RABGAP1L: variants seen among roughly 807,000 people sequenced by gnomAD.
RABGAP1L encodes the protein RAB GTPase activating protein 1 like.
In RABGAP1L, 63 loss-of-function variants were observed where a neutral mutation model predicts 137.7. The observed-to-expected ratio is 0.46, with a 90% CI of 0.37 to 0.56. The LOEUF is 0.56. Ranked by LOEUF, RABGAP1L falls within the 20% of genes least tolerant of loss-of-function variation. RABGAP1L has a pLI of 0.00. For synonymous variants in RABGAP1L, 431 were observed against 433.7 expected (o/e 0.99, Z 0.08); for missense variants, 1,095 against 1,244.0 (o/e 0.88, Z 1.80).
intron 14 of RABGAP1L, among the ~76,000 whole-genome samples, chr1:174,664,075 A>G (rs1171663219): frequency 6.6e-6 from 1 of 152,192 alleles, no homozygotes; most frequent in East Asian, 1.9e-4. Flanking sequence ...TATATATTAA[A>G]TAAGGTATCT....
chr1:174,737,546 C>A (rs1362675919), intron 17 of RABGAP1L, among the ~76,000 whole-genome samples: 1 of 152,026 alleles, frequency 6.6e-6, no homozygotes, highest in Non-Finnish European at 1.5e-5. Flanking sequence ...TTTCTCTGAG[C>A]CCTCCAAACT....
intron 13 of RABGAP1L, among the ~76,000 whole-genome samples, chr1:174,549,289 T>C (rs2147974091): frequency 6.6e-6 from 1 of 152,244 alleles, no homozygotes; most frequent in Admixed American, 6.5e-5. Flanking sequence ...TTCTCCAGGG[T>C]AGAGTATTGT....
chr1:174,349,662 A>G (rs7513038), intron 11 of RABGAP1L, among the ~76,000 whole-genome samples: 15,816 of 71,318 alleles, frequency 0.22, 1,159 homozygotes, highest in African/African-American at 0.33. Flanking sequence ...CTCCCGGACG[A>G]GGCGGCTGGC....
chr1:174,511,020 A>C (rs1466720157), intron 13 of RABGAP1L, among the ~76,000 whole-genome samples: 1 of 152,192 alleles, frequency 6.6e-6, no homozygotes, highest in East Asian at 1.9e-4. Context: ...CAAAACTTTG[A>C]AGTTTTAACT....
At chr1:174,818,471 T>TA (rs1215017772) in intron 19 of RABGAP1L, among the ~76,000 whole-genome samples, 2 of 152,138 alleles carry the variant, frequency 1.3e-5, no homozygotes, top group African/African-American at 4.8e-5. Flanking sequence ...TTATGACAAA[T>TA]AAAAGCCAAT....
intron 19 of RABGAP1L, among the ~76,000 whole-genome samples, chr1:174,858,842 C>T (rs1405872411): frequency 6.6e-6 from 1 of 152,130 alleles, no homozygotes; most frequent in Admixed American, 6.5e-5. Context: ...CTCATCTGAG[C>T]AGGTTTAAAG....
At chr1:174,442,676 A>C (rs1315053894) in intron 13 of RABGAP1L, among the ~76,000 whole-genome samples, 1 of 152,184 alleles carries the variant, frequency 6.6e-6, no homozygotes, top group Non-Finnish European at 1.5e-5. Context: ...GTAATGATCA[A>C]ATCAGGGAAA....
intron 19 of RABGAP1L, chr1:174,892,502 CT>C (rs1253979025): frequency 6.1e-6 from 3 of 489,988 alleles, no homozygotes; most frequent in African/African-American, 6.0e-5. Flanking sequence ...TTGTAAGTTA[CT>C]GGTTTTCACA....
At chr1:174,454,975 C>T (rs1655883946) in intron 13 of RABGAP1L, among the ~76,000 whole-genome samples, 1 of 152,186 alleles carries the variant, frequency 6.6e-6, no homozygotes, top group African/African-American at 2.4e-5. Flanking sequence ...GCATTTCCTA[C>T]ATAGGCAGAA....
intron 13 of RABGAP1L, among the ~76,000 whole-genome samples, chr1:174,561,286 G>C (rs567439314): frequency 1.3e-5 from 2 of 152,152 alleles, no homozygotes; most frequent in African/African-American, 2.4e-5. Context: ...AAAATACCTA[G>C]GAATAAAACT....
chr1:174,440,013 T>G (rs1049810593), intron 13 of RABGAP1L, among the ~76,000 whole-genome samples: 4 of 152,210 alleles, frequency 2.6e-5, no homozygotes, highest in East Asian at 3.8e-4. Flanking sequence ...GTGTTAAAAC[T>G]GAGACCTAAA....
intron 13 of RABGAP1L, among the ~76,000 whole-genome samples, chr1:174,401,039 T>C (rs1648517214): frequency 2.0e-5 from 3 of 152,096 alleles, no homozygotes; most frequent in Admixed American, 2.0e-4. Context: ...TTAGGAGCTG[T>C]AGACCAACTG....
At chr1:174,548,095 T>A (rs1666168760) in intron 13 of RABGAP1L, 1 of 1,543,260 alleles carries the variant, frequency 6.5e-7, no homozygotes, top group African/African-American at 1.4e-5. Flanking sequence ...GAGTGCTTTC[T>A]TTGCATGGGA....
At chr1:174,796,646 A>G (rs895765964) in intron 18 of RABGAP1L, among the ~76,000 whole-genome samples, 5 of 152,216 alleles carry the variant, frequency 3.3e-5, no homozygotes, top group Non-Finnish European at 5.9e-5. Flanking sequence ...CACTTGTTGT[A>G]GTGCCTTGTA....
chr1:174,745,583 A>G (rs1683805324), intron 17 of RABGAP1L, among the ~76,000 whole-genome samples: 2 of 152,222 alleles, frequency 1.3e-5, no homozygotes, highest in South Asian at 4.1e-4. Flanking sequence ...ACCATTTACT[A>G]ACAGTGTTCT....
chr1:174,936,904 G>T lies in RABGAP1L; in HGVS notation c.2341-20553G>T, dbSNP rs370983917. On this transcript the variant is annotated intron_variant, in intron 19 of 25. Transcript: ENST00000681986. ...AGTGACATTTGAAAAAATTGTCTTA[G>T]GACAACTGTCATATACATCAAGGTC... is the stretch of plus-strand genomic sequence containing the variant. 5.8e-4 allele frequency among the ~76,000 whole-genome samples: 87 copies of T among 150,648 alleles called. 1 individual carries two copies. The South Asian group carries it at 0.018, about 31-fold the overall frequency.
At chr1:174,401,400 A>G (rs1442131759) in intron 13 of RABGAP1L, among the ~76,000 whole-genome samples, 2 of 152,200 alleles carry the variant, frequency 1.3e-5, no homozygotes, top group Non-Finnish European at 2.9e-5. Flanking sequence ...CATGCCTAAT[A>G]CATGATAAGC....
intron 13 of RABGAP1L, among the ~76,000 whole-genome samples, chr1:174,585,133 T>C (rs1250444621): frequency 1.3e-5 from 2 of 152,300 alleles, no homozygotes; most frequent in Admixed American, 6.5e-5. Flanking sequence ...GAATTAAATG[T>C]CATTAAAATT....
At chr1:174,571,108 T>G (rs976693606) in intron 13 of RABGAP1L, among the ~76,000 whole-genome samples, 2 of 152,104 alleles carry the variant, frequency 1.3e-5, no homozygotes, top group African/African-American at 4.8e-5. Context: ...GGAGATCCAG[T>G]CATTTGCAAC....
Sources: allele counts gnomAD v4.1 joint callset (sites outside exome capture counted in the v4.1 genomes callset), GRCh38; gene constraint gnomAD v4.1.1; transcripts MANE v1.5; gene names NCBI Gene and HGNC (gene_info 2026-07-23, HGNC 2026-07-21).